The following TRIM38 variants were observed in gnomAD, a reference collection of about 807,000 sequenced individuals.
TRIM38 encodes tripartite motif containing 38, also known as E3 ubiquitin-protein ligase TRIM38.
Under a neutral mutation model 35.8 loss-of-function variants are expected in TRIM38, and 35 were observed. That is an observed-to-expected ratio of 0.98 (90% CI 0.75 to 1.30). The LOEUF is 1.30. Ranked by LOEUF, TRIM38 falls within the 50% of genes most tolerant of loss-of-function variation. The pLI is 0.00. For missense variants in TRIM38, 545 were observed against 556.9 expected (o/e 0.98, Z 0.21); for synonymous variants, 198 against 204.7 (o/e 0.97, Z 0.28).
At chr6:25,978,046 T>C (rs773793293) in intron 7 of TRIM38, among the ~76,000 whole-genome samples, 21 of 151,806 alleles carry the variant, frequency 1.4e-4, no homozygotes, top group South Asian at 2.1e-4. Flanking sequence ...CACACACACA[T>C]ATATATATAG....
chr6:25,976,009 C>A (rs1411854809), intron 7 of TRIM38, among the ~76,000 whole-genome samples: 1 of 152,162 alleles, frequency 6.6e-6, no homozygotes, highest in Non-Finnish European at 1.5e-5. Context: ...CTCCTACCAG[C>A]ACCAGGAATA....
At position 25,983,201 on chromosome 6, in the gene TRIM38, A is replaced by G; in HGVS notation, c.912A>G (p.Glu304=). 1 of 1,610,484 alleles carries G rather than the reference A, an allele frequency of 6.2e-7. No individual in the cohort carries two copies. Among genetic ancestry groups the G allele is most frequent in the African/African-American group, 1.3e-5 (1 of 74,922 alleles). Residue 304 remains glutamate, a synonymous_variant, in exon 8 of 8, where the codon GAA becomes GAG. Coordinates refer to ENST00000357085, the MANE Select transcript of TRIM38 (RefSeq NM_006355.5). ...VTLDPDTAHH[E]LILSEDRRQV... is the part of the protein sequence containing the mutation. ...TGGATCCAGATACAGCTCATCACGA[A>G]CTAATTCTCTCTGAGGATCGGAGAC...
Position 25,984,486 on chromosome 6 carries a change from C to T in TRIM38, c.*799C>T, listed in dbSNP as rs1432662505. The T allele has an allele frequency of 6.6e-6, 1 of 152,066 alleles. No individual in the cohort carries two copies. Among genetic ancestry groups the T allele is most frequent in the African/African-American group, 2.4e-5 (1 of 41,362 alleles). The allele number at this position is 152,066 out of a possible 1,614,324, so 9.4% of individuals were successfully genotyped here. On this transcript the variant is annotated 3_prime_UTR_variant, in exon 8 of 8. Transcript: ENST00000357085. Reference sequence around the variant, plus strand: ...TTTGAAAAAGACCAAATTACCATACCCGAGTGAGTAATGACAGGACTACAA... The same window carrying T: ...TTTGAAAAAGACCAAATTACCATACTCGAGTGAGTAATGACAGGACTACAA...
At chr6:25,981,980 G>A (rs1025603622) in intron 7 of TRIM38, among the ~76,000 whole-genome samples, 1 of 152,182 alleles carries the variant, frequency 6.6e-6, no homozygotes, top group Non-Finnish European at 1.5e-5. Context: ...GTTGTTAGAA[G>A]AGCTGAAGCA....
chr6:25,972,146 T>C, intron 5 of TRIM38, 47 bp downstream of exon 5: 2 of 1,510,856 alleles, frequency 1.3e-6, no homozygotes, highest in Non-Finnish European at 1.8e-6. Flanking sequence ...GTTATAGTGC[T>C]ATTAAAGGAG....
chr6:25,974,959 A>G (rs1179732814), intron 7 of TRIM38: 1 of 985,168 alleles, frequency 1.0e-6, no homozygotes, highest in East Asian at 1.1e-4. Context: ...TCACTGAGTC[A>G]ATTTGCCTAC....
At chr6:25,973,842 T>C in intron 7 of TRIM38, 1 of 985,414 alleles carries the variant, frequency 1.0e-6, no homozygotes, top group Non-Finnish European at 1.2e-6. Flanking sequence ...GTTAGAACCA[T>C]TTACTGAGTT....
In TRIM38 at chr6:25,985,088, G is replaced by T. The variant is rs1189456182; in HGVS notation, c.*1401G>T. 6.6e-6 allele frequency: 1 copy of T among 152,012 alleles called. No homozygotes were observed. Among genetic ancestry groups the T allele is most frequent in the Non-Finnish European group, 1.5e-5 (1 of 67,992 alleles). The allele number at this position is 152,012 out of a possible 1,614,324, so 9.4% of individuals were successfully genotyped here. On this transcript the variant is annotated 3_prime_UTR_variant, in exon 8 of 8. Transcript: ENST00000357085. Reference sequence around the variant, plus strand: ...AAGGGTAGCAGAATATGCCATCTTTGGCATAAGAAGTATTTTGAGTTGAAG... The same window carrying T: ...AAGGGTAGCAGAATATGCCATCTTTTGCATAAGAAGTATTTTGAGTTGAAG...
At position 25,988,911 on chromosome 6, in the gene TRIM38, G is replaced by C. The variant is rs889072118; in HGVS notation, c.*5224G>C. On this transcript the variant is annotated 3_prime_UTR_variant, in exon 8 of 8. Coordinates refer to ENST00000357085, the MANE Select transcript of TRIM38 (RefSeq NM_006355.5). Reference sequence around the variant, plus strand: ...TGGAGATAAGTTTTCAATTCCTTTGGATAAATACTAAGGAGTGTGATTGGT... The same window carrying C: ...TGGAGATAAGTTTTCAATTCCTTTGCATAAATACTAAGGAGTGTGATTGGT... 5.3e-5 allele frequency: 8 copies of C among 152,182 alleles called. No individual in the cohort carries two copies. Among genetic ancestry groups the C allele is most frequent in the African/African-American group, 1.7e-4 (7 of 41,424 alleles). 9.4% of individuals were successfully genotyped at this position (152,182 alleles called of 1,614,324 possible).
chr6:25,973,917 C>CA, intron 7 of TRIM38: 1 of 972,494 alleles, frequency 1.0e-6, no homozygotes, highest in Non-Finnish European at 1.2e-6. Context: ...TCCGTAAGTA[C>CA]AAAATCAAAA....
intron 2 of TRIM38, among the ~76,000 whole-genome samples, chr6:25,966,113 C>T (rs564360389): frequency 9.9e-5 from 15 of 152,074 alleles, no homozygotes; most frequent in African/African-American, 3.4e-4. Context: ...TACATATTCC[C>T]GAGATTTGTA....
intron 7 of TRIM38, among the ~76,000 whole-genome samples, chr6:25,981,797 G>A (rs2113618266): frequency 6.6e-6 from 1 of 152,324 alleles, no homozygotes. Flanking sequence ...TGGTTATTCA[G>A]TAGAGAAGGG....
At chr6:25,973,823 T>G (rs1380434855) in intron 7 of TRIM38, 23 of 985,338 alleles carry the variant, frequency 2.3e-5, no homozygotes, top group Non-Finnish European at 2.7e-5. Flanking sequence ...AATTTACAGA[T>G]TCCAAAATGT....
intron 7 of TRIM38, chr6:25,973,859 T>C: frequency 2.0e-6 from 2 of 985,426 alleles, no homozygotes; most frequent in African/African-American, 3.5e-5. Context: ...AGTTTCCTGC[T>C]CCCTTGATTT....
intron 4 of TRIM38, among the ~76,000 whole-genome samples, chr6:25,971,049 C>T (rs1268574207): frequency 2.6e-5 from 4 of 152,174 alleles, no homozygotes; most frequent in Non-Finnish European, 5.9e-5. Flanking sequence ...GACCCTCTTA[C>T]CAGCCTGGTT....
Position 25,989,891 on chromosome 6 carries a change from G to C in TRIM38, c.*6204G>C, listed in dbSNP as rs1760800327. ...AGTCAATATTTTTTGTTGGATATTT[G>C]ATTTTTATTTCAGGCAACTAATATC... On this transcript the variant is annotated 3_prime_UTR_variant, in exon 8 of 8. Coordinates refer to ENST00000357085, the MANE Select transcript of TRIM38 (RefSeq NM_006355.5). 6.6e-6 allele frequency: 1 copy of C among 151,646 alleles called. No homozygotes were observed. Among genetic ancestry groups the C allele is most frequent in the African/African-American group, 2.4e-5 (1 of 41,258 alleles). 9.4% of individuals were successfully genotyped at this position (151,646 alleles called of 1,614,324 possible).
At chr6:25,967,234 A>G (rs931960010) in intron 3 of TRIM38, among the ~76,000 whole-genome samples, 7 of 152,158 alleles carry the variant, frequency 4.6e-5, no homozygotes, top group African/African-American at 1.4e-4. Context: ...TCACACCATG[A>G]ATATCATTTG....
chr6:25,964,948 A>G (rs1759973746), intron 2 of TRIM38, among the ~76,000 whole-genome samples: 1 of 151,814 alleles, frequency 6.6e-6, no homozygotes, highest in Non-Finnish European at 1.5e-5. Flanking sequence ...AGCAGCTGGG[A>G]TTACAGGTGT....
chr6:25,965,586 C>T (rs114324373), intron 2 of TRIM38, among the ~76,000 whole-genome samples: 1,968 of 152,114 alleles, frequency 0.013, 84 homozygotes, highest in East Asian at 0.04. Context: ...CATGCCACTG[C>T]CCTCCACTAC....
Sources: allele counts gnomAD v4.1 joint callset (sites outside exome capture counted in the v4.1 genomes callset), GRCh38; gene constraint gnomAD v4.1.1; transcripts MANE v1.5; gene names NCBI Gene and HGNC (gene_info 2026-07-23, HGNC 2026-07-21).